The following SLC2A2 variants were observed in gnomAD, a reference collection of about 807,000 sequenced individuals.
SLC2A2 encodes solute carrier family 2 member 2.
In SLC2A2, 36 loss-of-function variants were observed where a neutral mutation model predicts 54.5. The observed-to-expected ratio is 0.66, with a 90% confidence interval of 0.51 to 0.87. The LOEUF (loss-of-function observed/expected upper bound fraction) is 0.87, where lower values mean the gene tolerates loss of function less well. Among genes scored for constraint, SLC2A2 ranks in the 40% least tolerant of loss-of-function variants. The pLI is 0.00. For missense variants in SLC2A2, 543 were observed against 624.3 expected (o/e 0.87, Z 1.39); for synonymous variants, 223 against 219.1 (o/e 1.02, Z -0.16).
intron 3 of SLC2A2, 47 bp downstream of exon 3, chr3:171,014,422 G>T: frequency 6.3e-7 from 1 of 1,595,540 alleles, no homozygotes; most frequent in Non-Finnish European, 8.6e-7. Flanking sequence ...TTAGGAAAAT[G>T]AAAATATGAA....
chr3:171,018,929 G>A (rs11925298), intron 1 of SLC2A2, among the ~76,000 whole-genome samples: 8,035 of 151,364 alleles, frequency 0.053, 384 homozygotes, highest in African/African-American at 0.13. Flanking sequence ...ACTATTCACC[G>A]GATACCAGAA....
chr3:171,003,993 TTATGTTTA>T (rs1167108186), intron 7 of SLC2A2, among the ~76,000 whole-genome samples: 1 of 152,034 alleles, frequency 6.6e-6, no homozygotes, highest in Non-Finnish European at 1.5e-5. Context: ...TAAAATTTAG[TTATGTTTA>T]TATATTTATG....
At chr3:171,005,076 A>G (rs549940064) in intron 7 of SLC2A2, among the ~76,000 whole-genome samples, 1 of 152,120 alleles carries the variant, frequency 6.6e-6, no homozygotes, top group African/African-American at 2.4e-5. Context: ...AGTACCATTG[A>G]CTGTTGACAC....
At chr3:171,017,738 G>C (rs1009511728) in intron 2 of SLC2A2, among the ~76,000 whole-genome samples, 5 of 152,154 alleles carry the variant, frequency 3.3e-5, no homozygotes, top group Admixed American at 3.3e-4. Context: ...TTAGAGCAGA[G>C]GGGAATGAAG....
chr3:171,009,317 T>C (rs1024351268), intron 4 of SLC2A2, among the ~76,000 whole-genome samples: 7 of 152,120 alleles, frequency 4.6e-5, no homozygotes, highest in African/African-American at 1.7e-4. Context: ...TCTGAACTTT[T>C]AAATATCAGC....
rs1347131670 is a variant in SLC2A2, at chr3:170,999,161, G to A, written c.1074C>T (p.Phe358=). Residue 358 remains phenylalanine (F), a synonymous_variant, in exon 9 of 11, where the codon TTC becomes TTT. Coordinates refer to ENST00000314251, the MANE Select transcript of SLC2A2 (RefSeq NM_000340.2). ...VNMVFTAVSV[F]LVEKAGRRSL... ...AACGTCGCCCTGCCTTCTCCACAAGGAATACCTAGGACAATTTTAAAGAAA... is the reference window on the plus strand; with the variant it reads ...AACGTCGCCCTGCCTTCTCCACAAGAAATACCTAGGACAATTTTAAAGAAA... 1.9e-6 allele frequency: 3 copies of A among 1,591,120 alleles called. No homozygotes were observed. Among genetic ancestry groups the A allele is most frequent in the East Asian group, 2.2e-5 (1 of 44,722 alleles).
chr3:171,002,452 G>T (rs1576826487), intron 8 of SLC2A2, 124 bp downstream of exon 8: 3 of 714,970 alleles, frequency 4.2e-6, no homozygotes, highest in Non-Finnish European at 7.7e-6. Context: ...ACTCACTTGG[G>T]TTTACACACT....
At chr3:171,012,932 G>T (rs1388815412) in intron 3 of SLC2A2, among the ~76,000 whole-genome samples, 2 of 152,108 alleles carry the variant, frequency 1.3e-5, no homozygotes, top group Non-Finnish European at 2.9e-5. Flanking sequence ...ACTTCAGAGG[G>T]TTTGTATATT....
At chr3:171,004,368 A>G (rs942220738) in intron 7 of SLC2A2, among the ~76,000 whole-genome samples, 4 of 152,018 alleles carry the variant, frequency 2.6e-5, no homozygotes, top group Non-Finnish European at 5.9e-5. Flanking sequence ...ATAAAAATAA[A>G]CATCAAGGAC....
At position 171,005,265 on chromosome 3, in the gene SLC2A2, G is replaced by A. The variant is rs146697425; in HGVS notation, c.963+20C>T. ...TAATTCACTGTGCTCTTAAGAGTTAGTGGGTGTTCTTAAACTTACGCCATT... is the reference window on the plus strand; with the variant it reads ...TAATTCACTGTGCTCTTAAGAGTTAATGGGTGTTCTTAAACTTACGCCATT... On this transcript the variant is annotated intron_variant, in intron 7 of 10. Transcript: ENST00000314251. 3.1e-6 allele frequency: 5 copies of A among 1,605,220 alleles called. No individual in the cohort carries two copies. The Admixed American group carries it at 5.0e-5, about 16-fold the overall frequency.
chr3:171,013,957 T>C (rs1393220942), intron 3 of SLC2A2, among the ~76,000 whole-genome samples: 1 of 133,482 alleles, frequency 7.5e-6, no homozygotes, highest in African/African-American at 3.2e-5. Flanking sequence ...TAGCAAGCAG[T>C]ACCAGCAGCC....
At chr3:171,017,827 G>A (rs1716222185) in intron 2 of SLC2A2, among the ~76,000 whole-genome samples, 1 of 152,058 alleles carries the variant, frequency 6.6e-6, no homozygotes, top group South Asian at 2.1e-4. Context: ...ACCAGAATAG[G>A]GATGCACGAA....
At chr3:171,018,341 T>C (rs1017618817) in intron 2 of SLC2A2, among the ~76,000 whole-genome samples, 190 bp downstream of exon 2, 17 of 150,586 alleles carry the variant, frequency 1.1e-4, no homozygotes, top group African/African-American at 2.2e-4. Flanking sequence ...TCCTTTTTTT[T>C]CCCCCGTGAT....
Position 170,996,353 on chromosome 3 carries a change from GAAAC to G in SLC2A2, c.*1546_*1549del. ...AATGAAAAACAAATCACACTGAAAA[GAAAC>G]AATTTCTTGTTCTTTGGACTGCTAA... On this transcript the variant is annotated 3_prime_UTR_variant, in exon 11 of 11. Coordinates refer to ENST00000314251, the MANE Select transcript of SLC2A2 (RefSeq NM_000340.2). The G allele has an allele frequency of 2.8e-6, 1 of 352,188 alleles. No homozygotes were observed. The highest frequency in any genetic ancestry group is 5.1e-6 in the Non-Finnish European group (1 of 196,490). The allele number at this position is 352,188 out of a possible 1,614,324, so 21.8% of individuals were successfully genotyped here.
At chr3:171,001,943 A>AACAATAACATTTCT (rs1411165683) in intron 8 of SLC2A2, among the ~76,000 whole-genome samples, 2 of 151,876 alleles carry the variant, frequency 1.3e-5, no homozygotes, top group African/African-American at 4.8e-5. Context: ...GTTGGAAGAA[A>AACAATAACATTTCT]ACAATAACAT....
intron 6 of SLC2A2, 76 bp downstream of exon 6, chr3:171,005,867 A>C: frequency 2.1e-6 from 3 of 1,399,068 alleles, no homozygotes; most frequent in Admixed American, 3.4e-5. Flanking sequence ...CACCAACTTC[A>C]TGTGGAAAGC....
chr3:171,000,561 C>T (rs1208967148), intron 8 of SLC2A2, among the ~76,000 whole-genome samples: 1 of 151,780 alleles, frequency 6.6e-6, no homozygotes, highest in African/African-American at 2.4e-5. Flanking sequence ...AAATCCTGGG[C>T]TCTTAGTTCC....
At chr3:170,999,204 G>A in intron 8 of SLC2A2, 38 bp from the exon 9 acceptor site, 1 of 1,324,708 alleles carries the variant, frequency 7.5e-7, no homozygotes. Context: ...AGTTTTGTGA[G>A]TCACAAAATA....
At chr3:171,006,888 C>T (rs1715635575) in intron 5 of SLC2A2, among the ~76,000 whole-genome samples, 1 of 151,998 alleles carries the variant, frequency 6.6e-6, no homozygotes, top group African/African-American at 2.4e-5. Flanking sequence ...AGTGCTATCC[C>T]ACCAACAATT....
Sources: allele counts gnomAD v4.1 joint callset (sites outside exome capture counted in the v4.1 genomes callset), GRCh38; gene constraint gnomAD v4.1.1; transcripts MANE v1.5; gene names NCBI Gene and HGNC (gene_info 2026-07-23, HGNC 2026-07-21).